Variants in OCA2 observed in about 807,000 individuals in gnomAD.
OCA2 encodes P protein.
Under a neutral mutation model 100.2 loss-of-function variants are expected in OCA2, and 77 were observed. That is an observed-to-expected ratio of 0.77 (90% CI 0.64 to 0.93). The LOEUF (loss-of-function observed/expected upper bound fraction) is 0.93. OCA2 is among the 40% of genes least tolerant of loss of function. The pLI, the probability that OCA2 is intolerant of heterozygous loss-of-function variation, is 0.00. For synonymous variants in OCA2, 432 were observed against 439.2 expected, an observed-to-expected ratio of 0.98 and a Z score of 0.21; for missense variants, 1,062 against 1,089.1, an observed-to-expected ratio of 0.98 and a Z score of 0.35.
At chr15:27,938,808 G>C (rs1330484756) in intron 18 of OCA2, among the ~76,000 whole-genome samples, 1 of 152,182 alleles carries the variant, frequency 6.6e-6, no homozygotes, top group Non-Finnish European at 1.5e-5. Context: ...AGAGACAGCT[G>C]CATCGATGCA....
At chr15:27,973,861 A>C (rs941581639) in intron 14 of OCA2, among the ~76,000 whole-genome samples, 7 of 152,184 alleles carry the variant, frequency 4.6e-5, no homozygotes, top group Admixed American at 1.3e-4. Flanking sequence ...GATTTCTTTC[A>C]GCAGTGTTTT....
chr15:27,894,290 C>T (rs1057319610), intron 19 of OCA2, among the ~76,000 whole-genome samples: 4 of 152,200 alleles, frequency 2.6e-5, no homozygotes, highest in Admixed American at 1.3e-4. Context: ...CTCTGGAGCC[C>T]CCAGTGACTT....
intron 1 of OCA2, among the ~76,000 whole-genome samples, chr15:28,084,883 G>T (rs1257963046): frequency 6.6e-6 from 1 of 152,234 alleles, no homozygotes; most frequent in Non-Finnish European, 1.5e-5. Flanking sequence ...GGAGCATCTG[G>T]AGAGCGAGCA....
At chr15:27,871,786 T>G in intron 20 of OCA2, 77 bp downstream of exon 20, 1 of 1,047,172 alleles carries the variant, frequency 9.5e-7, no homozygotes, top group Admixed American at 1.8e-5. Flanking sequence ...CTTACCAGAG[T>G]GCTTTTTTTT....
At chr15:28,096,391 G>C (rs971768867) in intron 1 of OCA2, among the ~76,000 whole-genome samples, 1 of 152,206 alleles carries the variant, frequency 6.6e-6, no homozygotes, top group Non-Finnish European at 1.5e-5. Flanking sequence ...GCCGTGTCTC[G>C]GGAGCCTGGC....
intron 19 of OCA2, among the ~76,000 whole-genome samples, chr15:27,924,790 CA>C (rs1471667441): frequency 6.6e-6 from 1 of 152,018 alleles, no homozygotes; most frequent in Non-Finnish European, 1.5e-5. Context: ...GTGAAAATAG[CA>C]AAGTAGCAGA....
intron 2 of OCA2, among the ~76,000 whole-genome samples, chr15:28,065,123 C>G (rs1227108185): frequency 6.6e-6 from 1 of 152,014 alleles, no homozygotes; most frequent in Non-Finnish European, 1.5e-5. Context: ...AACACCTTTC[C>G]CAGTCTTTGC....
In OCA2 at chr15:27,966,790, C is replaced by T. The variant is rs762173959; in HGVS notation, c.1536G>A (p.Met512Ile). 2.5e-6 allele frequency: 4 copies of T among 1,612,970 alleles called. No homozygotes were observed. In the South Asian group the frequency reaches 4.4e-5, roughly 18 times the overall value. ...GLDFAGFTAHMFIGICLVLLV... is the reference protein window; with the variant it reads ...GLDFAGFTAHIFIGICLVLLV... ...GGAGAACAAGGCAAATCCCAATGAA[C>T]ATGTGTGCAGTGAATCCGGCAAAGT... The change falls in exon 15 of 24, where the codon ATG (methionine) becomes ATA (isoleucine). Residue 512 changes from methionine to isoleucine, a missense_variant. Met to Ile is a conservative substitution (Grantham distance 10, BLOSUM62 1). Transcript: ENST00000354638.
At chr15:27,728,324 C>A in the OCA2 span, among the ~76,000 whole-genome samples, 5 of 152,062 alleles carry the variant, frequency 3.3e-5, no homozygotes, top group Admixed American at 1.3e-4. Flanking sequence ...AGGGAAAACT[C>A]CATTAGGTTT....
At chr15:27,832,084 A>T (rs2034982614) in intron 23 of OCA2, among the ~76,000 whole-genome samples, 1 of 151,934 alleles carries the variant, frequency 6.6e-6, no homozygotes, top group Non-Finnish European at 1.5e-5. Flanking sequence ...TCCCTCATGC[A>T]GCCTCACCAA....
At chr15:27,824,602 C>CTCTCTCTATATATATATATATATA in intron 23 of OCA2, among the ~76,000 whole-genome samples, 11 of 47,592 alleles carry the variant, frequency 2.3e-4, no homozygotes, top group African/African-American at 3.2e-4. Context: ...CTCTCTCTCT[C>CTCTCTCTATATATATATATATATA]TATATATATA....
intron 14 of OCA2, among the ~76,000 whole-genome samples, chr15:27,970,107 G>T (rs1414343540): frequency 6.6e-6 from 1 of 152,124 alleles, no homozygotes; most frequent in South Asian, 2.1e-4. Flanking sequence ...AGGTGCAGGG[G>T]TCCTGGCACA....
intron 18 of OCA2, among the ~76,000 whole-genome samples, chr15:27,929,322 C>CA (rs2039159602): frequency 6.6e-6 from 1 of 152,034 alleles, no homozygotes; most frequent in Non-Finnish European, 1.5e-5. Context: ...ATGGAGAATC[C>CA]AAAAATATAC....
intron 23 of OCA2, among the ~76,000 whole-genome samples, chr15:27,829,310 T>C (rs1268063332): frequency 4.0e-5 from 6 of 150,742 alleles, no homozygotes; most frequent in African/African-American, 1.5e-4. Context: ...GATAGATAGA[T>C]AGATAGAGTG....
intron 1 of OCA2, among the ~76,000 whole-genome samples, chr15:28,084,043 G>A (rs1259828242): frequency 6.6e-6 from 1 of 152,222 alleles, no homozygotes; most frequent in East Asian, 1.9e-4. Flanking sequence ...GTCTCAGGGA[G>A]GTGACTGGGA....
chr15:27,984,910 G>A (rs2041295767), intron 13 of OCA2, among the ~76,000 whole-genome samples, 154 bp downstream of exon 13: 1 of 152,198 alleles, frequency 6.6e-6, no homozygotes, highest in African/African-American at 2.4e-5. Flanking sequence ...ACACAAAGCA[G>A]ACACGAGCTG....
At chr15:27,742,447 G>C in the OCA2 span, among the ~76,000 whole-genome samples, 1 of 152,256 alleles carries the variant, frequency 6.6e-6, no homozygotes, top group South Asian at 2.1e-4. Flanking sequence ...CCATGTGGGA[G>C]GGGGACAAAA....
chr15:27,960,594 A>G (rs2040375209), intron 15 of OCA2, among the ~76,000 whole-genome samples: 1 of 151,314 alleles, frequency 6.6e-6, no homozygotes, highest in Non-Finnish European at 1.5e-5. Context: ...CATTTGCTCT[A>G]TCTATCTATC....
intron 19 of OCA2, among the ~76,000 whole-genome samples, chr15:27,881,316 G>A (rs190295378): frequency 6.5e-4 from 97 of 148,528 alleles, no homozygotes; most frequent in African/African-American, 2.3e-3. Context: ...TTGGCCTGAA[G>A]TTTTCTTTTT....
Sources: allele counts gnomAD v4.1 joint callset (sites outside exome capture counted in the v4.1 genomes callset), GRCh38; gene constraint gnomAD v4.1.1; transcripts MANE v1.5; gene names NCBI Gene and HGNC (gene_info 2026-07-23, HGNC 2026-07-21).